Variants in DMD observed in about 807,000 individuals in gnomAD.
The protein encoded by DMD is dystrophin, also known as mutant dystrophin.
Under a neutral mutation model 330.1 loss-of-function variants are expected in DMD, and 63 were observed. The observed-to-expected ratio is 0.19, with a 90% CI of 0.16 to 0.24. DMD has a LOEUF of 0.24. Ranked by LOEUF, DMD falls within the 10% of genes least tolerant of loss-of-function variation. The pLI, the probability that DMD is intolerant of heterozygous loss-of-function variation, is 1.00. For synonymous variants in DMD, 1,223 were observed against 959.8 expected, an observed-to-expected ratio of 1.27 and a Z score of -5.07; for missense variants, 3,344 against 2,684.1, an observed-to-expected ratio of 1.25 and a Z score of -5.43.
intron 2 of DMD, among the ~76,000 whole-genome samples, chrX:32,865,119 T>A (rs1311519507): frequency 8.9e-6 from 1 of 111,820 alleles, no homozygotes; most frequent in Non-Finnish European, 1.9e-5. Flanking sequence ...ACTTGGCTTA[T>A]TTTCCTTATG....
chrX:32,653,874 A>C (rs910636917), intron 9 of DMD, among the ~76,000 whole-genome samples: 9 of 111,806 alleles, frequency 8.0e-5, no homozygotes, highest in African/African-American at 2.9e-4. Context: ...GGTCCTTCAC[A>C]TCCCTTGCAA....
intron 17 of DMD, among the ~76,000 whole-genome samples, chrX:32,534,662 G>T (rs768144188): frequency 9.0e-6 from 1 of 111,233 alleles, no homozygotes; most frequent in African/African-American, 3.3e-5. Context: ...TTCTTGCTGT[G>T]TCCTCCCAAG....
intron 30 of DMD, among the ~76,000 whole-genome samples, chrX:32,411,483 A>G (rs774784580): frequency 2.0e-4 from 22 of 111,505 alleles, no homozygotes; most frequent in Non-Finnish European, 4.0e-4. Flanking sequence ...AGCTTTTAGT[A>G]TAGTTTGAAG....
At chrX:32,157,985 T>C (rs186407471) in intron 44 of DMD, among the ~76,000 whole-genome samples, 2 of 112,313 alleles carry the variant, frequency 1.8e-5, no homozygotes, top group Admixed American at 1.9e-4. Context: ...CCAAAGTGTA[T>C]AATATTGAGA....
At chrX:32,076,762 C>T (rs1481006283) in intron 44 of DMD, among the ~76,000 whole-genome samples, 1 of 111,303 alleles carries the variant, frequency 9.0e-6, no homozygotes. Flanking sequence ...AGGGTATAGT[C>T]TTGTCTGCCT....
At chrX:31,286,938 G>C (rs1478280228) in intron 62 of DMD, among the ~76,000 whole-genome samples, 1 of 112,050 alleles carries the variant, frequency 8.9e-6, no homozygotes, top group Non-Finnish European at 1.9e-5. Flanking sequence ...GCTAAGTTTT[G>C]TATTTTTAGT....
rs1245288522 is a variant in DMD, at chrX:32,816,596, G to T, written c.402C>A (p.Thr134=). Residue 134 remains threonine (T), a synonymous_variant, in exon 6 of 79, where the codon ACC becomes ACA. Transcript: ENST00000357033. ...AGCTCAGGAGAATCTTTTCACTGTT[G>T]GTTTGTTGCAATCCAGCCATGATAT... ...MKNIMAGLQQ[T]NSEKILLSWV... is the part of the protein sequence containing the mutation. 11 of 1,209,498 alleles carry T rather than the reference G, an allele frequency of 9.1e-6. No individual in the cohort carries two copies. In the East Asian group the frequency reaches 1.8e-4, roughly 20 times the overall value.
chrX:31,793,004 G>A lies in DMD; in HGVS notation c.7310-18812C>T, dbSNP rs150341654. On this transcript the variant is annotated intron_variant, in intron 50 of 78. Transcript: ENST00000357033. ...TGTAAATGTGAGGGATTGTACTGCC[G>A]ATGAAAGTGGCTCTCAGTGGGAAGG... Among the ~76,000 whole-genome samples, 790 of 110,990 alleles carry A rather than the reference G, an allele frequency of 7.1e-3. 6 individuals are homozygous for A. Among genetic ancestry groups the A allele is most frequent in the African/African-American group, 0.025 (745 of 30,312 alleles).
At chrX:31,637,340 T>C (rs2079476260) in intron 54 of DMD, among the ~76,000 whole-genome samples, 1 of 112,149 alleles carries the variant, frequency 8.9e-6, no homozygotes, top group Admixed American at 9.5e-5. Flanking sequence ...TTAAAAGACC[T>C]AGATACTTTG....
intron 2 of DMD, among the ~76,000 whole-genome samples, chrX:32,905,822 G>A (rs1036637817): frequency 9.0e-6 from 1 of 111,042 alleles, no homozygotes; most frequent in African/African-American, 3.3e-5. Context: ...AACATCCCTG[G>A]TCTCTACCCA....
At position 32,003,391 on chromosome X, in the gene DMD, G is replaced by A. The variant is rs908105763; in HGVS notation, c.6439-34877C>T. ...TACAATGGACAGTGCTGGAAAATAC[G>A]GGCTCCTCAAAACAAAATCTTACCT... On this transcript the variant is annotated intron_variant, in intron 44 of 78. Coordinates refer to ENST00000357033, the MANE Select transcript of DMD (RefSeq NM_004006.3). Among the ~76,000 whole-genome samples the A allele has an allele frequency of 2.7e-5, 3 of 111,641 alleles. No homozygotes were observed. In the South Asian group the frequency reaches 1.1e-3, roughly 41 times the overall value.
intron 59 of DMD, among the ~76,000 whole-genome samples, chrX:31,470,515 T>C (rs992248556): frequency 8.9e-6 from 1 of 112,131 alleles, no homozygotes; most frequent in African/African-American, 3.2e-5. Context: ...TTCCTTCCTC[T>C]GGAAGCTTCA....
chrX:32,164,142 C>T (rs1371866791), intron 44 of DMD, among the ~76,000 whole-genome samples: 2 of 111,050 alleles, frequency 1.8e-5, no homozygotes, highest in Non-Finnish European at 3.8e-5. Context: ...GGGGTGGAGG[C>T]AAGCAGATCG....
At chrX:32,031,225 T>C (rs775657645) in intron 44 of DMD, among the ~76,000 whole-genome samples, 7 of 111,618 alleles carry the variant, frequency 6.3e-5, no homozygotes, top group Non-Finnish European at 3.8e-5. Context: ...TCTTCTGTCA[T>C]GGTATTACAA....
intron 67 of DMD, among the ~76,000 whole-genome samples, chrX:31,198,613 C>G (rs984720929): frequency 1.8e-5 from 2 of 112,215 alleles, no homozygotes; most frequent in African/African-American, 6.5e-5. Flanking sequence ...TGTTAAATGA[C>G]TGGCAGTGCA....
At chrX:33,079,480 G>A (rs2094894135) in intron 1 of DMD, among the ~76,000 whole-genome samples, 1 of 111,439 alleles carries the variant, frequency 9.0e-6, no homozygotes, top group Non-Finnish European at 1.9e-5. Flanking sequence ...CATATACTAA[G>A]TCATATTAGA....
At chrX:31,154,546 G>A (rs767219260) in intron 74 of DMD, among the ~76,000 whole-genome samples, 22 of 109,574 alleles carry the variant, frequency 2.0e-4, no homozygotes, top group African/African-American at 6.0e-4. Flanking sequence ...CGCCTGCCTC[G>A]GCCTCCCAAA....
chrX:31,327,060 T>C (rs2056833558), intron 61 of DMD, among the ~76,000 whole-genome samples: 1 of 112,250 alleles, frequency 8.9e-6, no homozygotes, highest in African/African-American at 3.2e-5. Flanking sequence ...GGGTTGTCCT[T>C]TGGTATTTTC....
chrX:32,700,419 G>A (rs886790076), intron 7 of DMD, among the ~76,000 whole-genome samples: 3 of 111,131 alleles, frequency 2.7e-5, no homozygotes, highest in East Asian at 2.8e-4. Flanking sequence ...TGGGGCAGGG[G>A]TTGGGAAGAT....
Sources: allele counts gnomAD v4.1 joint callset (sites outside exome capture counted in the v4.1 genomes callset), GRCh38; gene constraint gnomAD v4.1.1; transcripts MANE v1.5; gene names NCBI Gene and HGNC (gene_info 2026-07-23, HGNC 2026-07-21).